Variants in PRELID2 observed in about 807,000 individuals in gnomAD.
The protein encoded by PRELID2 is PRELI domain containing 2, also known as PRELI domain-containing protein 2.
A neutral mutation model predicts 28.4 loss-of-function variants in PRELID2; 25 were observed. That is an observed-to-expected ratio of 0.88 (90% confidence interval 0.64 to 1.23). PRELID2 has a LOEUF of 1.23. Among genes scored for constraint, PRELID2 ranks in the 50% most tolerant of loss-of-function variants. The pLI is 0.00. For synonymous variants in PRELID2, 76 were observed against 71.6 expected, an observed-to-expected ratio of 1.06 and a Z score of -0.31; for missense variants, 201 against 214.4, an observed-to-expected ratio of 0.94 and a Z score of 0.39.
chr5:145,813,177 C>G (rs892496096), intron 4 of PRELID2, among the ~76,000 whole-genome samples: 13 of 152,134 alleles, frequency 8.5e-5, no homozygotes, highest in Admixed American at 5.9e-4. Flanking sequence ...ACTTAGTAGC[C>G]CTGACAGCTT....
intron 1 of PRELID2, among the ~76,000 whole-genome samples, chr5:145,661,295 C>T (rs1454876087): frequency 2.0e-5 from 3 of 152,092 alleles, no homozygotes; most frequent in African/African-American, 4.8e-5. Context: ...AGTAAGCATA[C>T]GGTCTCTTTT....
At chr5:145,267,263 G>A in the PRELID2 span, among the ~76,000 whole-genome samples, 1 of 152,080 alleles carries the variant, frequency 6.6e-6, no homozygotes, top group African/African-American at 2.4e-5. Context: ...CAGCTGATTA[G>A]ATGGTGCCCA....
At chr5:145,695,034 T>C (rs892655152) in intron 1 of PRELID2, among the ~76,000 whole-genome samples, 1 of 152,338 alleles carries the variant, frequency 6.6e-6, no homozygotes, top group South Asian at 2.1e-4. Flanking sequence ...ACGGATTCAG[T>C]AGTGTCCCAA....
chr5:145,323,564 C>T, the PRELID2 span, among the ~76,000 whole-genome samples: 5 of 152,246 alleles, frequency 3.3e-5, no homozygotes, highest in South Asian at 2.1e-4. Context: ...TGTTTCATCA[C>T]CCAGGTAATA....
At chr5:145,656,185 A>G (rs897157059) in intron 1 of PRELID2, among the ~76,000 whole-genome samples, 3 of 152,250 alleles carry the variant, frequency 2.0e-5, no homozygotes, top group African/African-American at 7.2e-5. Context: ...AGAAATGCAC[A>G]TCAAAACCAC....
At chr5:145,422,499 T>G in the PRELID2 span, among the ~76,000 whole-genome samples, 400 of 152,206 alleles carry the variant, frequency 2.6e-3, 1 homozygote, top group Middle Eastern at 3.4e-3. Context: ...GGCCTTCTTT[T>G]TCTCTTTTGA....
chr5:145,440,232 G>A, the PRELID2 span, among the ~76,000 whole-genome samples: 1 of 152,080 alleles, frequency 6.6e-6, no homozygotes, highest in African/African-American at 2.4e-5. Flanking sequence ...GACCCAGGAT[G>A]GGGAGGCTAC....
the PRELID2 span, among the ~76,000 whole-genome samples, chr5:145,291,335 C>CACAAAAAAAAAAAAAAAAAAAAAAAA: frequency 1.4e-4 from 8 of 57,472 alleles, no homozygotes; most frequent in African/African-American, 8.7e-4. Context: ...GACTCTGTTT[C>CACAAAAAAAAAAAAAAAAAAAAAAAA]AGAAAAAAAA....
the PRELID2 span, among the ~76,000 whole-genome samples, chr5:145,238,659 A>G: frequency 1.3e-5 from 2 of 152,030 alleles, no homozygotes; most frequent in Non-Finnish European, 2.9e-5. Flanking sequence ...AGCTACACCC[A>G]CATCTGACTA....
the PRELID2 span, among the ~76,000 whole-genome samples, chr5:145,312,390 C>T: frequency 6.6e-6 from 1 of 152,074 alleles, no homozygotes; most frequent in Non-Finnish European, 1.5e-5. Flanking sequence ...CAATTTTCAA[C>T]TATACAATAC....
the PRELID2 span, among the ~76,000 whole-genome samples, chr5:145,369,757 A>C: frequency 6.6e-6 from 1 of 152,014 alleles, no homozygotes; most frequent in South Asian, 2.1e-4. Flanking sequence ...AAGTGCTCCT[A>C]TCTCTCCACA....
intron 1 of PRELID2, among the ~76,000 whole-genome samples, chr5:145,661,687 A>G (rs546569287): frequency 1.2e-3 from 170 of 142,370 alleles, no homozygotes; most frequent in African/African-American, 4.9e-3. Flanking sequence ...AAAAAAAAAA[A>G]AACATGTTAT....
At chr5:145,263,377 A>T in the PRELID2 span, among the ~76,000 whole-genome samples, 1 of 152,088 alleles carries the variant, frequency 6.6e-6, no homozygotes, top group African/African-American at 2.4e-5. Context: ...TAACTGCAGA[A>T]TGTATCTTAT....
At chr5:145,729,658 G>A (rs1424960834) in intron 1 of PRELID2, among the ~76,000 whole-genome samples, 1 of 152,178 alleles carries the variant, frequency 6.6e-6, no homozygotes, top group African/African-American at 2.4e-5. Context: ...TCATCCTTGG[G>A]TGTCCGTTGA....
intron 5 of PRELID2, among the ~76,000 whole-genome samples, chr5:145,785,780 A>G (rs1253502377): frequency 6.6e-6 from 1 of 152,246 alleles, no homozygotes; most frequent in Non-Finnish European, 1.5e-5. Flanking sequence ...TCCTTGTGCC[A>G]TCAGGGTGTA....
Position 145,760,191 on chromosome 5 carries a change from C to T in PRELID2, c.*345G>A, listed in dbSNP as rs1172249101. On this transcript the variant is annotated 3_prime_UTR_variant, in exon 7 of 7. Coordinates refer to ENST00000683046, the MANE Select transcript of PRELID2 (RefSeq NM_205846.3). ...GGCCTTTATCCTGTCCTTAGCTGCC[C>T]TGACACCATCATCAGACAACCAGCA... is the stretch of plus-strand genomic sequence containing the variant. 1 of 152,134 alleles carries T rather than the reference C, an allele frequency of 6.6e-6. No individual in the cohort carries two copies. The highest frequency in any genetic ancestry group is 1.9e-4 in the East Asian group (1 of 5,182). 9.4% of individuals were successfully genotyped at this position (152,134 alleles called of 1,614,324 possible).
chr5:145,666,631 T>C (rs984393450), intron 1 of PRELID2, among the ~76,000 whole-genome samples: 1 of 152,076 alleles, frequency 6.6e-6, no homozygotes. Context: ...CAAGCACTTT[T>C]CCTTAGCTTT....
At chr5:145,536,253 G>A (rs1752697803) in intron 1 of PRELID2, among the ~76,000 whole-genome samples, 1 of 151,904 alleles carries the variant, frequency 6.6e-6, no homozygotes, top group African/African-American at 2.4e-5. Flanking sequence ...TAAAAGTCAT[G>A]GTTGGATAAA....
At chr5:145,339,951 T>C in the PRELID2 span, among the ~76,000 whole-genome samples, 41 of 152,294 alleles carry the variant, frequency 2.7e-4, no homozygotes, top group South Asian at 4.1e-4. Context: ...TGCTGTGTAC[T>C]GCTCTGAGAC....
Sources: allele counts gnomAD v4.1 joint callset (sites outside exome capture counted in the v4.1 genomes callset), GRCh38; gene constraint gnomAD v4.1.1; transcripts MANE v1.5; gene names NCBI Gene and HGNC (gene_info 2026-07-23, HGNC 2026-07-21).